NFIB: variants seen among roughly 807,000 people sequenced by gnomAD.
NFIB encodes the protein nuclear factor 1 B-type.
Under a neutral mutation model 61.5 loss-of-function variants are expected in NFIB, and 11 were observed. That is an observed-to-expected ratio of 0.18 (90% CI 0.11 to 0.30). The LOEUF is 0.30. Among genes scored for constraint, NFIB ranks in the 10% least tolerant of loss-of-function variants. The pLI is 1.00. For synonymous variants in NFIB, 260 were observed against 216.5 expected (o/e 1.20, Z -1.76); for missense variants, 471 against 608.9 (o/e 0.77, Z 2.38).
chr9:14,319,617 A>G (rs2060618643), intron 1 of NFIB, among the ~76,000 whole-genome samples: 1 of 152,206 alleles, frequency 6.6e-6, no homozygotes, highest in South Asian at 2.1e-4. Flanking sequence ...ACTGGCTTCT[A>G]TTACCCATAT....
At chr9:14,468,226 T>C in the NFIB span, among the ~76,000 whole-genome samples, 1 of 152,196 alleles carries the variant, frequency 6.6e-6, no homozygotes, top group Admixed American at 6.5e-5. Context: ...AGCAAGACTT[T>C]AAGAAGAGTG....
intron 3 of NFIB, among the ~76,000 whole-genome samples, chr9:14,162,372 TC>T (rs757061911): frequency 5.2e-4 from 79 of 152,228 alleles, no homozygotes; most frequent in Non-Finnish European, 8.4e-4. Flanking sequence ...TAGTAGAGAT[TC>T]TCCGGTTTTT....
chr9:14,121,615 C>T lies in NFIB; in HGVS notation c.1061-991G>A, dbSNP rs552320269. ...CTTTCAAAACCAAAAGAGCTCTATTCTGCAACTATTTTTCTTTCTACTTTA... is the reference window on the plus strand; with the variant it reads ...CTTTCAAAACCAAAAGAGCTCTATTTTGCAACTATTTTTCTTTCTACTTTA... On this transcript the variant is annotated intron_variant, in intron 7 of 10. Coordinates refer to ENST00000380953, the MANE Select transcript of NFIB (RefSeq NM_001190737.2). Among the ~76,000 whole-genome samples the T allele has an allele frequency of 1.4e-3, 220 of 152,270 alleles. 1 individual carries two copies. Among genetic ancestry groups the T allele is most frequent in the African/African-American group, 5.0e-3 (209 of 41,566 alleles).
the NFIB span, among the ~76,000 whole-genome samples, chr9:14,530,906 A>G: frequency 1.3e-5 from 2 of 151,576 alleles, no homozygotes; most frequent in Non-Finnish European, 2.9e-5. Flanking sequence ...CAAAAAGAAG[A>G]AAAAAAAAGA....
chr9:14,129,738 A>C (rs1344862666), intron 6 of NFIB, among the ~76,000 whole-genome samples: 2 of 152,212 alleles, frequency 1.3e-5, no homozygotes, highest in Non-Finnish European at 2.9e-5. Flanking sequence ...AGCAGGAAGA[A>C]TACTACATAA....
intron 1 of NFIB, among the ~76,000 whole-genome samples, chr9:14,369,086 T>A (rs1218997439): frequency 6.6e-6 from 1 of 152,182 alleles, no homozygotes; most frequent in East Asian, 1.9e-4. Context: ...TTAAGCTCTT[T>A]GAGGGTAGGG....
upstream of NFIB, among the ~76,000 whole-genome samples, chr9:14,317,620 T>C (rs1336066796): frequency 6.6e-6 from 1 of 152,266 alleles, no homozygotes; most frequent in Non-Finnish European, 1.5e-5. Context: ...TCAGTTTCTA[T>C]GGCTTTGACT....
the NFIB span, among the ~76,000 whole-genome samples, chr9:14,417,640 G>A: frequency 2.0e-5 from 3 of 152,100 alleles, no homozygotes; most frequent in Non-Finnish European, 2.9e-5. Flanking sequence ...TGACTAACCA[G>A]ATAGAAGTAT....
At chr9:14,299,610 T>G (rs1032880349) in intron 2 of NFIB, among the ~76,000 whole-genome samples, 2 of 152,216 alleles carry the variant, frequency 1.3e-5, no homozygotes, top group African/African-American at 4.8e-5. Flanking sequence ...TGAACTGCCT[T>G]AAAATAGGAT....
At chr9:14,421,129 G>A in the NFIB span, among the ~76,000 whole-genome samples, 2 of 149,622 alleles carry the variant, frequency 1.3e-5, no homozygotes, top group South Asian at 4.2e-4. Flanking sequence ...CAAAACTGTA[G>A]CATTCATAAA....
the NFIB span, among the ~76,000 whole-genome samples, chr9:14,512,156 C>T: frequency 6.6e-6 from 1 of 152,132 alleles, no homozygotes; most frequent in East Asian, 1.9e-4. Flanking sequence ...CAAGATGTCC[C>T]ATGAGTAGCG....
intron 2 of NFIB, among the ~76,000 whole-genome samples, chr9:14,254,630 G>A (rs1433671332): frequency 6.6e-6 from 1 of 152,164 alleles, no homozygotes; most frequent in Non-Finnish European, 1.5e-5. Flanking sequence ...GCCCTCCACT[G>A]ATCCAAAAGC....
chr9:14,356,092 G>T (rs888050132), intron 1 of NFIB, among the ~76,000 whole-genome samples: 1 of 152,082 alleles, frequency 6.6e-6, no homozygotes, highest in Non-Finnish European at 1.5e-5. Context: ...ACTAGTACAC[G>T]TTTTAAATAA....
At chr9:14,248,141 C>G (rs915046944) in intron 2 of NFIB, among the ~76,000 whole-genome samples, 1 of 151,478 alleles carries the variant, frequency 6.6e-6, no homozygotes, top group Non-Finnish European at 1.5e-5. Context: ...CCTATGTTGC[C>G]CAGGCTGGTC....
At chr9:14,451,363 C>T in the NFIB span, among the ~76,000 whole-genome samples, 4 of 152,164 alleles carry the variant, frequency 2.6e-5, no homozygotes, top group African/African-American at 9.7e-5. Flanking sequence ...GCATTTTAAA[C>T]ATACAAATAT....
the NFIB span, among the ~76,000 whole-genome samples, chr9:14,484,717 A>G: frequency 3.3e-5 from 5 of 152,206 alleles, no homozygotes; most frequent in Non-Finnish European, 7.3e-5. Context: ...ATAATTATTG[A>G]CCATCTGCAA....
intron 2 of NFIB, among the ~76,000 whole-genome samples, chr9:14,298,939 C>G (rs146240522): frequency 6.6e-6 from 1 of 152,134 alleles, no homozygotes; most frequent in African/African-American, 2.4e-5. Context: ...AAGCTGAGAC[C>G]GACCTCATAA....
chr9:14,286,399 T>C (rs946376344), intron 2 of NFIB, among the ~76,000 whole-genome samples: 1 of 152,202 alleles, frequency 6.6e-6, no homozygotes, highest in Non-Finnish European at 1.5e-5. Context: ...CAAGATGTCA[T>C]AACAAGCATG....
intron 1 of NFIB, among the ~76,000 whole-genome samples, chr9:14,396,324 C>T (rs183876446): frequency 6.6e-6 from 1 of 151,922 alleles, no homozygotes; most frequent in East Asian, 1.9e-4. Context: ...TTATGAGATC[C>T]CAGCTATTGT....
Sources: allele counts gnomAD v4.1 joint callset (sites outside exome capture counted in the v4.1 genomes callset), GRCh38; gene constraint gnomAD v4.1.1; transcripts MANE v1.5; gene names NCBI Gene and HGNC (gene_info 2026-07-23, HGNC 2026-07-21).